NOL11: variants seen among roughly 807,000 people sequenced by gnomAD.
NOL11 encodes the protein nucleolar protein 11.
In NOL11, 42 loss-of-function variants were observed where a neutral mutation model predicts 93.0. The observed-to-expected ratio is 0.45, with a 90% CI of 0.35 to 0.58. The LOEUF (loss-of-function observed/expected upper bound fraction) is 0.58. NOL11 is among the 20% of genes least tolerant of loss of function. The probability of loss-of-function intolerance (pLI) is 0.00; values close to 1 mark genes in which losing one functional copy is unlikely to be tolerated. For missense variants in NOL11, 775 were observed against 841.8 expected, an observed-to-expected ratio of 0.92 and a Z score of 0.98; for synonymous variants, 296 against 293.7, an observed-to-expected ratio of 1.01 and a Z score of -0.08.
intron 14 of NOL11, chr17:67,738,581 C>T (rs985672205): frequency 2.0e-6 from 1 of 496,458 alleles, no homozygotes; most frequent in Non-Finnish European, 3.5e-6. Context: ...CCTGTAGTCC[C>T]AGCACTTTTT....
chr17:67,728,479 G>A (rs746470578), intron 7 of NOL11, among the ~76,000 whole-genome samples: 14 of 152,022 alleles, frequency 9.2e-5, no homozygotes, highest in African/African-American at 1.7e-4. Flanking sequence ...GTACCCTGCC[G>A]CTCTTAAGTC....
At position 67,718,002 on chromosome 17, in the gene NOL11, C is replaced by T. The variant is rs1364926442; in HGVS notation, c.55C>T (p.Pro19Ser). 1 of 1,614,242 alleles carries T rather than the reference C, an allele frequency of 6.2e-7. No homozygotes were observed. The highest frequency in any genetic ancestry group is 1.1e-5 in the South Asian group (1 of 91,086). The change falls in exon 1 of 18, where the codon CCT (proline) becomes TCT (serine). Residue 19 changes from proline (P) to serine (S), a missense_variant. Coordinates refer to ENST00000253247, the MANE Select transcript of NOL11 (RefSeq NM_015462.5). ...TLSSVVLSAG[P>S]EGLLGVEQSD... ...GTCTTCGGTAGTCCTGAGCGCCGGG[C>T]CTGAAGGACTCCTAGGCGTGGAGCA...
intron 7 of NOL11, among the ~76,000 whole-genome samples, chr17:67,729,956 T>G (rs1484680661): frequency 1.3e-5 from 2 of 151,546 alleles, no homozygotes; most frequent in Admixed American, 1.3e-4. Context: ...TAGTTTTTAG[T>G]AGCTCTGAGG....
chr17:67,730,557 G>A (rs1447298124), intron 7 of NOL11, among the ~76,000 whole-genome samples: 1 of 152,206 alleles, frequency 6.6e-6, no homozygotes, highest in African/African-American at 2.4e-5. Context: ...ACTGCGCCCA[G>A]CTGTGTACCA....
chr17:67,730,026 C>A (rs2055137457), intron 7 of NOL11, among the ~76,000 whole-genome samples: 1 of 152,178 alleles, frequency 6.6e-6, no homozygotes, highest in South Asian at 2.1e-4. Context: ...AGACAAGAGC[C>A]ACCACGCCTG....
At chr17:67,742,814 T>C (rs1360320396) in intron 16 of NOL11, among the ~76,000 whole-genome samples, 5 of 152,194 alleles carry the variant, frequency 3.3e-5, no homozygotes, top group African/African-American at 7.2e-5. Context: ...ATAATTCTGG[T>C]TTATGGCAAC....
At chr17:67,721,563 A>G in intron 4 of NOL11, 37 bp downstream of exon 4, 1 of 1,552,684 alleles carries the variant, frequency 6.4e-7, no homozygotes, top group Non-Finnish European at 8.8e-7. Flanking sequence ...TTATCAAAAT[A>G]AAAATGCACT....
chr17:67,730,268 G>T (rs189256864), intron 7 of NOL11, among the ~76,000 whole-genome samples: 1,999 of 151,196 alleles, frequency 0.013, 41 homozygotes, highest in African/African-American at 0.046. Flanking sequence ...TTGTTTGTTT[G>T]TTTTTTTGAG....
chr17:67,726,143 T>A (rs1283283201), intron 6 of NOL11, among the ~76,000 whole-genome samples: 1 of 152,234 alleles, frequency 6.6e-6, no homozygotes, highest in Non-Finnish European at 1.5e-5. Context: ...TACTTTCTAA[T>A]GAGGGATATA....
intron 7 of NOL11, among the ~76,000 whole-genome samples, chr17:67,728,292 A>AGTG (rs1166800960): frequency 6.6e-6 from 1 of 152,076 alleles, no homozygotes; most frequent in Non-Finnish European, 1.5e-5. Flanking sequence ...TAAAATAACT[A>AGTG]CCATGTGCCT....
chr17:67,736,435 C>T (rs927184040), intron 9 of NOL11: 1 of 499,468 alleles, frequency 2.0e-6, no homozygotes, highest in Admixed American at 3.7e-5. Flanking sequence ...ATCAGTAATA[C>T]CTCTGCCCTC....
At chr17:67,733,161 C>T (rs780447073) in intron 7 of NOL11, among the ~76,000 whole-genome samples, 48 of 151,080 alleles carry the variant, frequency 3.2e-4, no homozygotes, top group Admixed American at 8.6e-4. Flanking sequence ...GTCAGGAGTT[C>T]GAGACCAGCC....
chr17:67,738,005 C>T, intron 13 of NOL11, 33 bp downstream of exon 13: 2 of 1,577,480 alleles, frequency 1.3e-6, no homozygotes, highest in Non-Finnish European at 1.7e-6. Context: ...TTTTTCTTCA[C>T]TACATTTATA....
At position 67,722,634 on chromosome 17, in the gene NOL11, A is replaced by G. The variant is rs79434722; in HGVS notation, c.516A>G (p.Glu172=). The change falls in exon 5 of 18, where the codon GAA becomes GAG. Residue 172 remains glutamate (E), a synonymous_variant. Coordinates refer to ENST00000253247, the MANE Select transcript of NOL11 (RefSeq NM_015462.5). ...FRHPVLIFIT[E]KHGNYFAYVQ... is the part of the protein sequence containing the mutation. ...ATCCTGTTTTAATTTTTATTACTGAAAAAGTAAGTGATATCTTCAATTCCT... is the reference window on the plus strand; with the variant it reads ...ATCCTGTTTTAATTTTTATTACTGAGAAAGTAAGTGATATCTTCAATTCCT... 6,794 of 1,569,176 alleles carry G rather than the reference A, an allele frequency of 4.3e-3. 245 individuals are homozygous for G. In the African/African-American group the frequency reaches 0.084, roughly 19 times the overall value.
At chr17:67,727,878 A>G (rs941993718) in intron 7 of NOL11, among the ~76,000 whole-genome samples, 12 of 147,418 alleles carry the variant, frequency 8.1e-5, no homozygotes, top group African/African-American at 3.0e-4. Flanking sequence ...CCGAGATTGC[A>G]CTATGCACTC....
At chr17:67,719,467 G>A (rs2043201134) in intron 1 of NOL11, 5 of 354,888 alleles carry the variant, frequency 1.4e-5, no homozygotes, top group South Asian at 1.3e-4. Flanking sequence ...CACCATGTTG[G>A]TCAAGCTGGT....
intron 7 of NOL11, among the ~76,000 whole-genome samples, chr17:67,729,107 T>G (rs1246335442): frequency 6.6e-6 from 1 of 151,966 alleles, no homozygotes; most frequent in African/African-American, 2.4e-5. Context: ...GTTGTTTTTT[T>G]TTTTGAGACA....
At chr17:67,724,848 G>T (rs535039417) in intron 6 of NOL11, among the ~76,000 whole-genome samples, 35 of 152,246 alleles carry the variant, frequency 2.3e-4, no homozygotes, top group African/African-American at 8.2e-4. Flanking sequence ...CACAAGGTCA[G>T]GAGATCGAGA....
chr17:67,734,294 C>A (rs1432001084), intron 7 of NOL11, 69 bp from the exon 8 acceptor site: 3 of 840,358 alleles, frequency 3.6e-6, no homozygotes, highest in South Asian at 1.5e-5. Context: ...AACTGTAACT[C>A]CCCCCTTCCC....
Sources: gnomAD v4.1 joint callset for allele counts (sites outside exome capture counted in the v4.1 genomes callset) on GRCh38, gnomAD v4.1.1 for gene constraint, MANE v1.5 for transcripts, NCBI Gene and HGNC (gene_info 2026-07-23, HGNC 2026-07-21) for gene names.